PRDM10: variants seen among roughly 807,000 people sequenced by gnomAD.
PRDM10 encodes the protein PR/SET domain 10, also known as PR domain zinc finger protein 10.
In PRDM10, 65 loss-of-function variants were observed where a neutral mutation model predicts 133.1. The ratio of observed to expected loss-of-function variants is 0.49; its 90% CI spans 0.40 to 0.60. The LOEUF (loss-of-function observed/expected upper bound fraction) is 0.60. Among genes scored for constraint, PRDM10 ranks in the 20% least tolerant of loss-of-function variants. The pLI, the probability that PRDM10 is intolerant of heterozygous loss-of-function variation, is 0.00. For missense variants in PRDM10, 1,137 were observed against 1,507.1 expected (o/e 0.75, Z 4.07); for synonymous variants, 582 against 580.4 (o/e 1.00, Z -0.04).
At chr11:129,946,815 G>A (rs1480642043) in intron 5 of PRDM10, among the ~76,000 whole-genome samples, 2 of 152,220 alleles carry the variant, frequency 1.3e-5, no homozygotes, top group African/African-American at 4.8e-5. Context: ...GCAGGATCGG[G>A]CAAATCTACC....
At chr11:129,934,443 C>T (rs1950965217) in intron 9 of PRDM10, among the ~76,000 whole-genome samples, 1 of 152,198 alleles carries the variant, frequency 6.6e-6, no homozygotes, top group South Asian at 2.1e-4. Flanking sequence ...CTCATTCCTC[C>T]CCCAAACTAT....
chr11:129,941,025 T>G (rs1342430394), intron 7 of PRDM10, among the ~76,000 whole-genome samples: 4 of 152,242 alleles, frequency 2.6e-5, no homozygotes, highest in Non-Finnish European at 4.4e-5. Context: ...ATACATGGTA[T>G]GAGATAGGAA....
chr11:129,949,418 T>G (rs1043217999), intron 4 of PRDM10, among the ~76,000 whole-genome samples: 1 of 152,230 alleles, frequency 6.6e-6, no homozygotes, highest in Non-Finnish European at 1.5e-5. Flanking sequence ...CCTAAGTTCT[T>G]TAAGGACCAT....
intron 1 of PRDM10, among the ~76,000 whole-genome samples, chr11:129,988,825 T>G (rs1370896564): frequency 2.6e-5 from 4 of 152,028 alleles, no homozygotes; most frequent in South Asian, 2.1e-4. Flanking sequence ...GAGACGGGGT[T>G]TCACCGTGTT....
chr11:129,912,029 T>G (rs1178473679), intron 18 of PRDM10, 56 bp downstream of exon 18: 14 of 1,481,714 alleles, frequency 9.4e-6, no homozygotes, highest in Non-Finnish European at 1.3e-5. Flanking sequence ...TCTCATTAAC[T>G]CTGATAATCC....
At chr11:129,909,711 G>A (rs1255517050) in intron 19 of PRDM10, among the ~76,000 whole-genome samples, 1 of 152,032 alleles carries the variant, frequency 6.6e-6, no homozygotes, top group Non-Finnish European at 1.5e-5. Context: ...ATACTTCCTG[G>A]CCTGCCCCAA....
chr11:129,910,853 C>T (rs559926164), intron 18 of PRDM10, among the ~76,000 whole-genome samples, 197 bp from the exon 19 acceptor site: 2 of 152,192 alleles, frequency 1.3e-5, no homozygotes, highest in East Asian at 1.9e-4. Flanking sequence ...CTCGGCTCAC[C>T]GCAACCTCCG....
intron 6 of PRDM10, among the ~76,000 whole-genome samples, 187 bp downstream of exon 6, chr11:129,944,584 C>CA (rs36041173): frequency 0.074 from 8,082 of 109,156 alleles, 283 homozygotes; most frequent in East Asian, 0.12. Flanking sequence ...GACTCCGTCT[C>CA]AAAAAAAAAA....
intron 4 of PRDM10, among the ~76,000 whole-genome samples, chr11:129,951,625 T>C (rs1356493346): frequency 6.6e-6 from 1 of 152,226 alleles, no homozygotes; most frequent in Non-Finnish European, 1.5e-5. Flanking sequence ...AAGGACATAA[T>C]GCATTTCAGG....
intron 20 of PRDM10, among the ~76,000 whole-genome samples, chr11:129,904,634 G>A (rs1217369140): frequency 2.6e-5 from 4 of 152,062 alleles, no homozygotes; most frequent in African/African-American, 7.2e-5. Context: ...TGAGTAGCTG[G>A]GATTATAGGG....
intron 20 of PRDM10, among the ~76,000 whole-genome samples, chr11:129,902,806 G>A (rs562196143): frequency 1.3e-5 from 2 of 152,260 alleles, no homozygotes; most frequent in South Asian, 2.1e-4. Context: ...AAAACATGCC[G>A]TTGCAATGCT....
chr11:129,935,384 T>A (rs1950997002), intron 8 of PRDM10, among the ~76,000 whole-genome samples, 166 bp from the exon 9 acceptor site: 1 of 152,152 alleles, frequency 6.6e-6, no homozygotes, highest in South Asian at 2.1e-4. Context: ...AAGCTAAAAT[T>A]TGGCAGAGAG....
At chr11:129,992,509 C>T (rs976316443) in intron 1 of PRDM10, among the ~76,000 whole-genome samples, 2 of 152,196 alleles carry the variant, frequency 1.3e-5, no homozygotes, top group Non-Finnish European at 2.9e-5. Flanking sequence ...TCATCCTAGG[C>T]AAAGTGGCCA....
intron 6 of PRDM10, 61 bp downstream of exon 6, chr11:129,944,710 C>T (rs1591643292): frequency 2.5e-6 from 4 of 1,585,968 alleles, no homozygotes; most frequent in South Asian, 1.1e-5. Flanking sequence ...GAGTAGACAA[C>T]GCAGTGCTCC....
rs764741472 is a variant in PRDM10 at position 129,947,315 on chromosome 11, G to C, written c.350C>G (p.Ser117Cys). The part of the protein sequence containing the change: ...VLPSIESVDG[S>C]DPLATLQTPL... ...GGTCTGCAGAGTTGCCAAAGGGTCG[G>C]ACCCATCTACACTCTCGATGGAAGG... is the stretch of plus-strand genomic sequence containing the variant. The change falls in exon 5 of 21, where the codon TCC (serine) becomes TGC (cysteine). Residue 117 changes from serine to cysteine, a missense_variant. Physicochemically the swap from Ser to Cys is moderately radical, Grantham distance 112 (BLOSUM62 -1). Transcript: ENST00000360871. The surrounding 1 kb of genome is among the most constrained non-coding windows in gnomAD (Gnocchi z 4.6). 3 of 1,613,568 alleles carry C rather than the reference G, an allele frequency of 1.9e-6. No homozygotes were observed. In the South Asian group the frequency reaches 3.3e-5, roughly 18 times the overall value.
intron 1 of PRDM10, among the ~76,000 whole-genome samples, chr11:129,999,279 C>T (rs1346967051): frequency 6.6e-6 from 1 of 152,192 alleles, no homozygotes; most frequent in Non-Finnish European, 1.5e-5. Flanking sequence ...TCTCACCCTC[C>T]TGCCTCTACC....
chr11:129,943,173 T>C lies in PRDM10; in HGVS notation c.763-544A>G, dbSNP rs1951270027. 3.3e-5 allele frequency among the ~76,000 whole-genome samples: 5 copies of C among 152,182 alleles called. No homozygotes were observed. In the South Asian group the frequency reaches 1.0e-3, roughly 32 times the overall value. On this transcript the variant is annotated intron_variant, in intron 6 of 20. Coordinates refer to ENST00000360871, the MANE Select transcript of PRDM10 (RefSeq NM_199437.2). ...CTGGAGTGGTTATCCACAAAGCAAG[T>C]AGTAGAGAGGGCTGGGCAGAAACAA...
chr11:129,973,406 C>G (rs942717910), intron 1 of PRDM10, among the ~76,000 whole-genome samples: 3 of 152,138 alleles, frequency 2.0e-5, no homozygotes, highest in African/African-American at 7.2e-5. Context: ...TAGAACCTTC[C>G]CAGCAAGAAC....
In PRDM10 at chr11:129,931,038, A is replaced by T. The variant is rs1183816842; in HGVS notation, c.1508T>A (p.Met503Lys). 3 of 1,613,392 alleles carry T rather than the reference A, an allele frequency of 1.9e-6. No homozygotes were observed. In the African/African-American group the frequency reaches 4.0e-5, roughly 22 times the overall value. Residue 503 changes from methionine (M) to lysine (K), a missense_variant, in exon 11 of 21, where the codon ATG (methionine) becomes AAG (lysine). Physicochemically the swap from Met to Lys is moderately conservative, Grantham distance 95. Around this residue, in one of 6 missense-constraint regions of PRDM10, gnomAD observed 635 missense variants for 835.2 expected, o/e 0.76. Transcript: ENST00000360871. The part of the protein sequence containing the change: ...PTQSTLTADD[M>K]RRAKRIRNAA... ...TACTCGGATGCGCTTGGCTCTGCGCATGTCGTCGGCTGTCAGCGTGCTCTG... is the reference window on the plus strand; with the variant it reads ...TACTCGGATGCGCTTGGCTCTGCGCTTGTCGTCGGCTGTCAGCGTGCTCTG...
Sources: gnomAD v4.1 joint callset for allele counts (sites outside exome capture counted in the v4.1 genomes callset) on GRCh38, gnomAD v4.1.1 for gene constraint, gnomAD v4.1.1 regional missense constraint, Gnocchi (gnomAD v3.1) non-coding constraint, MANE v1.5 for transcripts, NCBI Gene and HGNC (gene_info 2026-07-23, HGNC 2026-07-21) for gene names.